DAPK1: variants seen among roughly 807,000 people sequenced by gnomAD.
The protein encoded by DAPK1 is death-associated protein kinase 1.
DAPK1 carries 56 observed loss-of-function variants against 144.9 expected under a neutral mutation model. The ratio of observed to expected loss-of-function variants is 0.39; its 90% CI spans 0.31 to 0.48. The LOEUF is 0.48. Ranked by LOEUF, DAPK1 falls within the 20% of genes least tolerant of loss-of-function variation. DAPK1 has a pLI of 0.95. For missense variants in DAPK1, 1,454 were observed against 1,875.4 expected (o/e 0.78, Z 4.15); for synonymous variants, 690 against 749.0 (o/e 0.92, Z 1.29).
chr9:87,550,338 T>C (rs1826429097), intron 2 of DAPK1, among the ~76,000 whole-genome samples: 1 of 152,270 alleles, frequency 6.6e-6, no homozygotes, highest in Non-Finnish European at 1.5e-5. Flanking sequence ...GTGCTAGGGC[T>C]GTTATAACAA....
intron 2 of DAPK1, among the ~76,000 whole-genome samples, chr9:87,572,004 C>T (rs1258323392): frequency 6.6e-6 from 1 of 152,144 alleles, no homozygotes; most frequent in Admixed American, 6.5e-5. Flanking sequence ...TTTAAGAGTT[C>T]TTTGTTCACT....
At chr9:87,702,903 A>G (rs1444238650) in intron 24 of DAPK1, 126 bp from the exon 25 acceptor site, 1 of 631,248 alleles carries the variant, frequency 1.6e-6, no homozygotes, top group Non-Finnish European at 2.9e-6. Context: ...ACAACAACAA[A>G]AAAACCCACT....
intron 2 of DAPK1, among the ~76,000 whole-genome samples, chr9:87,505,515 C>T (rs1269666292): frequency 6.6e-6 from 1 of 152,022 alleles, no homozygotes; most frequent in Non-Finnish European, 1.5e-5. Context: ...CCTGCCTCAG[C>T]CTCCCAAGTA....
At chr9:87,518,144 C>T (rs11141859) in intron 2 of DAPK1, among the ~76,000 whole-genome samples, 75,340 of 140,454 alleles carry the variant, frequency 0.54, 22,040 homozygotes, top group South Asian at 0.75. Flanking sequence ...TGGAGTCTGG[C>T]TCTATCACCC....
chr9:87,654,286 G>A (rs1361582897), intron 17 of DAPK1, among the ~76,000 whole-genome samples: 1 of 152,104 alleles, frequency 6.6e-6, no homozygotes, highest in Non-Finnish European at 1.5e-5. Context: ...CAAGCATTAT[G>A]CCATTACGAT....
chr9:87,517,562 C>A (rs1292902787), intron 2 of DAPK1, among the ~76,000 whole-genome samples: 1 of 152,158 alleles, frequency 6.6e-6, no homozygotes, highest in East Asian at 1.9e-4. Context: ...ATGATCATTT[C>A]ATTAACTGGT....
At chr9:87,525,069 C>A (rs1041044387) in intron 2 of DAPK1, among the ~76,000 whole-genome samples, 2 of 152,142 alleles carry the variant, frequency 1.3e-5, no homozygotes, top group Non-Finnish European at 2.9e-5. Context: ...GAAACAAAAA[C>A]CGAACAGTGT....
At chr9:87,611,974 T>C (rs2064075942) in intron 3 of DAPK1, among the ~76,000 whole-genome samples, 1 of 152,218 alleles carries the variant, frequency 6.6e-6, no homozygotes, top group Non-Finnish European at 1.5e-5. Flanking sequence ...AATAAGTTTA[T>C]GTCTTACAGT....
chr9:87,657,938 C>T (rs1830688201), intron 17 of DAPK1, 91 bp from the exon 18 acceptor site: 2 of 717,500 alleles, frequency 2.8e-6, no homozygotes, highest in South Asian at 3.0e-5. Flanking sequence ...CTGGTGGGCC[C>T]TGACCCCTTC....
chr9:87,593,294 A>G (rs991074743), intron 2 of DAPK1, among the ~76,000 whole-genome samples: 1 of 152,240 alleles, frequency 6.6e-6, no homozygotes, highest in Non-Finnish European at 1.5e-5. Context: ...CAGACTTCCC[A>G]GTGTAAGGTG....
At chr9:87,654,174 C>T (rs767186923) in intron 17 of DAPK1, among the ~76,000 whole-genome samples, 1 of 152,130 alleles carries the variant, frequency 6.6e-6, no homozygotes, top group Non-Finnish European at 1.5e-5. Flanking sequence ...AGATTTTAGC[C>T]AGCACCTTCC....
At chr9:87,609,526 T>C (rs1479978173) in intron 3 of DAPK1, among the ~76,000 whole-genome samples, 1 of 152,256 alleles carries the variant, frequency 6.6e-6, no homozygotes, top group East Asian at 1.9e-4. Flanking sequence ...TTGGAGGTTA[T>C]GTTTTATAAT....
At chr9:87,641,885 T>C in intron 9 of DAPK1, 84 bp from the exon 10 acceptor site, 2 of 1,050,866 alleles carry the variant, frequency 1.9e-6, no homozygotes, top group Non-Finnish European at 2.9e-6. Flanking sequence ...GCATCCTGAA[T>C]AAGGAGATGT....
At chr9:87,682,623 T>C (rs1319781791) in intron 20 of DAPK1, among the ~76,000 whole-genome samples, 4 of 152,178 alleles carry the variant, frequency 2.6e-5, no homozygotes, top group Non-Finnish European at 5.9e-5. Flanking sequence ...AGCTATAGAA[T>C]TGAAATGAGG....
chr9:87,512,457 G>GCCAGAACTGT (rs1394496655), intron 2 of DAPK1, among the ~76,000 whole-genome samples: 8 of 152,156 alleles, frequency 5.3e-5, no homozygotes, highest in Non-Finnish European at 1.2e-4. Flanking sequence ...GTTTTGCCAA[G>GCCAGAACTGT]CCAGAACTGT....
At chr9:87,585,151 G>T (rs1417433754) in intron 2 of DAPK1, among the ~76,000 whole-genome samples, 1 of 152,182 alleles carries the variant, frequency 6.6e-6, no homozygotes, top group Non-Finnish European at 1.5e-5. Context: ...TTCACTGTGT[G>T]TATTGTTTCC....
Position 87,686,793 on chromosome 9 carries a change from G to A in DAPK1, c.2413+54G>A. On this transcript the variant is annotated intron_variant, in intron 21 of 25. Transcript: ENST00000408954. This position sits in a 1 kb window ranked among gnomAD's most constrained non-coding sequence, Gnocchi z 4.2. ...CCTCAGGTTTCCCTTCAACAGGGTT[G>A]TAAGTCATCCCTAAAGGGAGCTTGT... The A allele has an allele frequency of 6.9e-7, 1 of 1,457,936 alleles. No individual in the cohort carries two copies. Among genetic ancestry groups the A allele is most frequent in the South Asian group, 1.2e-5 (1 of 83,332 alleles). The allele number at this position is 1,457,936 out of a possible 1,614,324, so 90.3% of individuals were successfully genotyped here. A position where few individuals can be genotyped will look rare whatever the true frequency, so the allele number is the denominator to read the frequency against.
At chr9:87,699,368 C>A (rs976301820) in intron 23 of DAPK1, among the ~76,000 whole-genome samples, 38 of 152,152 alleles carry the variant, frequency 2.5e-4, no homozygotes, top group Non-Finnish European at 5.9e-5. Flanking sequence ...TAAGTTGCAA[C>A]CTACTAGTGA....
intron 2 of DAPK1, among the ~76,000 whole-genome samples, chr9:87,509,933 G>A (rs1204039933): frequency 1.3e-5 from 2 of 152,170 alleles, no homozygotes; most frequent in Non-Finnish European, 2.9e-5. Context: ...GTGAGCTCAC[G>A]GCCAGGCCGC....
Sources: allele counts gnomAD v4.1 joint callset (sites outside exome capture counted in the v4.1 genomes callset), GRCh38; gene constraint gnomAD v4.1.1; non-coding constraint Gnocchi (gnomAD v3.1); transcripts MANE v1.5; gene names NCBI Gene and HGNC (gene_info 2026-07-23, HGNC 2026-07-21).